LRCH4: variants seen among roughly 807,000 people sequenced by gnomAD.
LRCH4 encodes leucine rich repeats and calponin homology domain containing 4.
LRCH4 carries 56 observed loss-of-function variants against 81.2 expected under a neutral mutation model. The observed-to-expected ratio is 0.69, with a 90% CI of 0.56 to 0.86. The LOEUF (loss-of-function observed/expected upper bound fraction) is 0.86, where lower values mean the gene tolerates loss of function less well. LRCH4 is among the 40% of genes least tolerant of loss of function. The pLI is 0.00. For synonymous variants in LRCH4, 442 were observed against 409.7 expected (o/e 1.08, Z -0.95); for missense variants, 895 against 922.8 (o/e 0.97, Z 0.39).
rs748775702 is a variant in LRCH4, at chr7:100,577,449, G to T, written c.1178+48C>A. 10 of 1,602,550 alleles carry T rather than the reference G, an allele frequency of 6.2e-6. No homozygotes were observed. Among genetic ancestry groups the T allele is most frequent in the Middle Eastern group, 1.7e-4 (1 of 6,046 alleles). ...CCGGGGTCAGGGAAGGAGGCGGTTG[G>T]GGGGTGGGAGGATCGGGCAGTGGCG... On this transcript the variant is annotated intron_variant, in intron 10 of 17. Coordinates refer to ENST00000310300, the MANE Select transcript of LRCH4 (RefSeq NM_002319.5). This position sits in a 1 kb window ranked among gnomAD's most constrained non-coding sequence, Gnocchi z 6.7.
rs1184466236 is a variant in LRCH4 at position 100,578,874 on chromosome 7, A to G, written c.599-88T>C. 1.6e-5 allele frequency: 24 copies of G among 1,467,312 alleles called. No individual in the cohort carries two copies. The highest frequency in any genetic ancestry group is 2.2e-5 in the Non-Finnish European group (24 of 1,077,024). 90.9% of individuals were successfully genotyped at this position (1,467,312 alleles called of 1,614,324 possible). ...CCCTCACCCTTGGCTCCAGCTGGCCAGTCACCCTGGGCCCAGCACAGCCTC... is the reference window on the plus strand; with the variant it reads ...CCCTCACCCTTGGCTCCAGCTGGCCGGTCACCCTGGGCCCAGCACAGCCTC... On this transcript the variant is annotated intron_variant, in intron 4 of 17. Coordinates refer to ENST00000310300, the MANE Select transcript of LRCH4 (RefSeq NM_002319.5). The surrounding 1 kb of genome is among the most constrained non-coding windows in gnomAD (Gnocchi z 5.7).
intron 1 of LRCH4, among the ~76,000 whole-genome samples, chr7:100,585,608 C>A (rs1219595272): frequency 6.6e-6 from 1 of 152,052 alleles, no homozygotes; most frequent in Non-Finnish European, 1.5e-5. Context: ...GCGGGACCAT[C>A]CTACAGGTGC....
chr7:100,579,377 C>T (rs1801464821), intron 4 of LRCH4: 1 of 152,880 alleles, frequency 6.5e-6, no homozygotes, highest in Non-Finnish European at 1.5e-5. Context: ...GCGGGTGGAT[C>T]ACAAGGTCAA....
At position 100,582,465 on chromosome 7, in the gene LRCH4, G is replaced by C; in HGVS notation, c.221-6C>G. 1 of 1,605,608 alleles carries C rather than the reference G, an allele frequency of 6.2e-7. No homozygotes were observed. The highest frequency in any genetic ancestry group is 1.7e-5 in the Admixed American group (1 of 59,992). On this transcript the variant is annotated splice_polypyrimidine_tract_variant and splice_region_variant and intron_variant, in intron 1 of 17. Transcript: ENST00000310300. The surrounding 1 kb of genome is among the most constrained non-coding windows in gnomAD (Gnocchi z 5.0). ...AAACCGGTTCCGGGACAGGTCTGGG[G>C]AAAAGGAGGTGTCGGGGAGAGTTGC...
rs370331867 is a variant in LRCH4, at chr7:100,582,450, C to T, written c.230G>A (p.Arg77Gln). 2.9e-5 allele frequency: 46 copies of T among 1,608,524 alleles called. No individual in the cohort carries two copies. The highest frequency in any genetic ancestry group is 1.8e-4 in the South Asian group (16 of 91,076). The change falls in exon 2 of 18, where the codon CGG becomes CAG. Residue 77 changes from arginine (R) to glutamine (Q), a missense_variant. Transcript: ENST00000310300. This position sits in a 1 kb window ranked among gnomAD's most constrained non-coding sequence, Gnocchi z 5.0. The part of the protein sequence containing the change: ...LSDITQADLS[R>Q]NRFPEVPEAA... ...CTCGGGCACCTCGGGAAACCGGTTC[C>T]GGGACAGGTCTGGGGAAAAGGAGGT...
At chr7:100,580,423 C>CACAT (rs1457768649) in intron 4 of LRCH4, 1 of 151,874 alleles carries the variant, frequency 6.6e-6, no homozygotes. Context: ...CACACACACA[C>CACAT]ACACACACAC....
rs150962857 is a variant in LRCH4 at position 100,577,354 on chromosome 7, G to C, written c.1214C>G (p.Pro405Arg). The change falls in exon 11 of 18, where the codon CCG (proline) becomes CGG (arginine). Residue 405 changes from proline to arginine, a missense_variant. Physicochemically the swap from Pro to Arg is moderately radical, Grantham distance 103. Coordinates refer to ENST00000310300, the MANE Select transcript of LRCH4 (RefSeq NM_002319.5). This position sits in a 1 kb window ranked among gnomAD's most constrained non-coding sequence, Gnocchi z 6.7. ...EEPAGEERRRPDTLQLWQERE... is the reference protein window; with the variant it reads ...EEPAGEERRRRDTLQLWQERE... Reference sequence around the variant, plus strand: ...CTCCTGCCACAGCTGCAAGGTGTCCGGGCGCCGCCGCTCCTCCCCTGCCGG... The same window carrying C: ...CTCCTGCCACAGCTGCAAGGTGTCCCGGCGCCGCCGCTCCTCCCCTGCCGG... The C allele has an allele frequency of 3.1e-6, 5 of 1,599,372 alleles. No individual in the cohort carries two copies. The highest frequency in any genetic ancestry group is 1.7e-4 in the Middle Eastern group (1 of 5,984).
Position 100,577,282 on chromosome 7 carries a change from C to G in LRCH4, c.1286G>C (p.Arg429Thr). Residue 429 changes from arginine to threonine, a missense_variant, in exon 11 of 18, where the codon AGG (arginine) becomes ACG (threonine). Physicochemically the swap from Arg to Thr is moderately conservative, Grantham distance 71. This residue lies in a region of LRCH4 where 529 missense variants were observed against 504.9 expected (regional missense o/e 1.05). Coordinates refer to ENST00000310300, the MANE Select transcript of LRCH4 (RefSeq NM_002319.5). The surrounding 1 kb of genome is among the most constrained non-coding windows in gnomAD (Gnocchi z 6.7). ...CGGCCCTGGGTCCCACCTATCCTTC[C>G]TCGGGGCCCCCCACGCCCCGCTCTG... is the stretch of plus-strand genomic sequence containing the variant. Reference protein sequence around the residue: ...QQQSGAWGAPRKDSLLKPGLR... With the variant: ...QQQSGAWGAPTKDSLLKPGLR... 1 of 1,600,244 alleles carries G rather than the reference C, an allele frequency of 6.2e-7. No homozygotes were observed. The highest frequency in any genetic ancestry group is 8.5e-7 in the Non-Finnish European group (1 of 1,178,652).
chr7:100,583,129 G>A lies in LRCH4; in HGVS notation c.221-670C>T, dbSNP rs909165892. Among the ~76,000 whole-genome samples, 1 of 152,182 alleles carries A rather than the reference G, an allele frequency of 6.6e-6. No homozygotes were observed. Among genetic ancestry groups the A allele is most frequent in the Admixed American group, 6.5e-5 (1 of 15,290 alleles). On this transcript the variant is annotated intron_variant, in intron 1 of 17. Coordinates refer to ENST00000310300, the MANE Select transcript of LRCH4 (RefSeq NM_002319.5). The surrounding 1 kb of genome is among the most constrained non-coding windows in gnomAD (Gnocchi z 4.3). ...GACCTGGTTGGAGATGGGAGCTGGAGTTCCCAGGTCCCTCCCATCTGGGCT... is the reference window on the plus strand; with the variant it reads ...GACCTGGTTGGAGATGGGAGCTGGAATTCCCAGGTCCCTCCCATCTGGGCT...
In LRCH4 at chr7:100,575,321, C is replaced by G. The variant is rs1243828474; in HGVS notation, c.1855-17G>C. The stretch of plus-strand genomic sequence containing the variant: ...CAGGTCAGCCTGGGGGAGAGGAGAG[C>G]AGGTGGACAAGGACAAGGGACAGAC... On this transcript the variant is annotated splice_polypyrimidine_tract_variant and intron_variant, in intron 17 of 17. Transcript: ENST00000310300. This position sits in a 1 kb window ranked among gnomAD's most constrained non-coding sequence, Gnocchi z 5.3. 2 of 1,527,102 alleles carry G rather than the reference C, an allele frequency of 1.3e-6. No homozygotes were observed. Among genetic ancestry groups the G allele is most frequent in the Admixed American group, 4.1e-5 (2 of 49,050 alleles). 94.6% of individuals were successfully genotyped at this position (1,527,102 alleles called of 1,614,324 possible). A position where few individuals can be genotyped will look rare whatever the true frequency, so the allele number is the denominator to read the frequency against.
chr7:100,576,376 G>C, intron 14 of LRCH4, 53 bp from the exon 15 acceptor site: 1 of 1,350,982 alleles, frequency 7.4e-7, no homozygotes, highest in Non-Finnish European at 1.1e-6. Flanking sequence ...CACTGACTCT[G>C]TAGCTGGGTC....
Position 100,576,290 on chromosome 7 carries a change from C to T in LRCH4, c.1586G>A (p.Arg529Gln), listed in dbSNP as rs35432811. 3.2e-5 allele frequency: 51 copies of T among 1,614,078 alleles called. No individual in the cohort carries two copies. Among genetic ancestry groups the T allele is most frequent in the Middle Eastern group, 3.3e-4 (2 of 6,056 alleles). The change falls in exon 15 of 18, where the codon CGG (arginine) becomes CAG (glutamine). Residue 529 changes from arginine to glutamine, a missense_variant. Physicochemically the swap from Arg to Gln is conservative, Grantham distance 43 (BLOSUM62 1). Transcript: ENST00000310300. Reference protein sequence around the residue: ...PSSPDSVLRPRRYPQVPDEKD... With the variant: ...PSSPDSVLRPQRYPQVPDEKD... The stretch of plus-strand genomic sequence containing the variant: ...CTCATCTGGAACCTGGGGGTACCGC[C>T]GAGGTCTCAGGACAGAGTCTGGTGA...
Position 100,578,143 on chromosome 7 carries a change from G to C in LRCH4, c.948+16C>G, listed in dbSNP as rs1346767237. 6 of 1,612,708 alleles carry C rather than the reference G, an allele frequency of 3.7e-6. No individual in the cohort carries two copies. The highest frequency in any genetic ancestry group is 1.3e-5 in the African/African-American group (1 of 74,884). On this transcript the variant is annotated intron_variant, in intron 7 of 17. Coordinates refer to ENST00000310300, the MANE Select transcript of LRCH4 (RefSeq NM_002319.5). This position sits in a 1 kb window ranked among gnomAD's most constrained non-coding sequence, Gnocchi z 5.7. Reference sequence around the variant, plus strand: ...GGGCTGACACCCTCAATCACCCATGGACAGGACGCCCTTACCTCATTTCCA... The same window carrying C: ...GGGCTGACACCCTCAATCACCCATGCACAGGACGCCCTTACCTCATTTCCA...
Position 100,575,423 on chromosome 7 carries a change from CGTGCTGGGCAGGGGGA to C in LRCH4, c.1855-135_1855-120del, listed in dbSNP as rs768199935. ...GGCCAGAACCACGCCCACATGCTGA[CGTGCTGGGCAGGGGGA>C]GTGCAGTGCAGGAGGAGTGCAGGGC... is the stretch of plus-strand genomic sequence containing the variant. On this transcript the variant is annotated intron_variant, in intron 17 of 17. Coordinates refer to ENST00000310300, the MANE Select transcript of LRCH4 (RefSeq NM_002319.5). This position sits in a 1 kb window ranked among gnomAD's most constrained non-coding sequence, Gnocchi z 5.3. 22 of 991,694 alleles carry C rather than the reference CGTGCTGGGCAGGGGGA, an allele frequency of 2.2e-5. No individual in the cohort carries two copies. The East Asian group carries it at 5.2e-4, about 24-fold the overall frequency. The allele number at this position is 991,694 out of a possible 1,614,324, so 61.4% of individuals were successfully genotyped here. A position where few individuals can be genotyped will look rare whatever the true frequency, so the allele number is the denominator to read the frequency against.
chr7:100,580,801 ACACATG>A (rs1434617590), intron 4 of LRCH4: 4 of 147,648 alleles, frequency 2.7e-5, no homozygotes, highest in Admixed American at 1.3e-4. Flanking sequence ...AGACACACAT[ACACATG>A]CACATAGACA....
At position 100,577,690 on chromosome 7, in the gene LRCH4, C is replaced by G; in HGVS notation, c.1090G>C (p.Glu364Gln). ...IDFIDSHVPG[E>Q]DEERGTVEEQ... ...TCCACAGTGCCTCGCTCTTCATCCT[C>G]CCCGGGGACATGGCTGTCGATGAAG... Residue 364 changes from glutamate to glutamine, a missense_variant, in exon 9 of 18, where the codon GAG (glutamate) becomes CAG (glutamine). Around this residue, in one of 3 missense-constraint regions of LRCH4, gnomAD observed 529 missense variants for 504.9 expected, o/e 1.05. Transcript: ENST00000310300. The surrounding 1 kb of genome is among the most constrained non-coding windows in gnomAD (Gnocchi z 6.7). 1.2e-6 allele frequency: 2 copies of G among 1,613,948 alleles called. No homozygotes were observed. Among genetic ancestry groups the G allele is most frequent in the African/African-American group, 2.7e-5 (2 of 75,036 alleles).
chr7:100,577,926 G>A lies in LRCH4; in HGVS notation c.949-14C>T, dbSNP rs1456390643. Reference sequence around the variant, plus strand: ...TTCATCTGTTGACTGTAAAGGCAGAGGCAGAGATGGGAGATGGCCTCTCTG... The same window carrying A: ...TTCATCTGTTGACTGTAAAGGCAGAAGCAGAGATGGGAGATGGCCTCTCTG... On this transcript the variant is annotated splice_polypyrimidine_tract_variant and intron_variant, in intron 7 of 17. Transcript: ENST00000310300. This position sits in a 1 kb window ranked among gnomAD's most constrained non-coding sequence, Gnocchi z 6.7. 1 of 1,607,794 alleles carries A rather than the reference G, an allele frequency of 6.2e-7. No individual in the cohort carries two copies. The highest frequency in any genetic ancestry group is 2.2e-5 in the East Asian group (1 of 44,838).
chr7:100,574,981 G>T lies in LRCH4; in HGVS notation c.*126C>A. 2 of 918,518 alleles carry T rather than the reference G, an allele frequency of 2.2e-6. No homozygotes were observed. The highest frequency in any genetic ancestry group is 3.2e-6 in the Non-Finnish European group (2 of 615,410). The allele number at this position is 918,518 out of a possible 1,614,324, so 56.9% of individuals were successfully genotyped here. A position where few individuals can be genotyped will look rare whatever the true frequency, so the allele number is the denominator to read the frequency against. On this transcript the variant is annotated 3_prime_UTR_variant, in exon 18 of 18. Coordinates refer to ENST00000310300, the MANE Select transcript of LRCH4 (RefSeq NM_002319.5). ...CCAGAGTGGGGCCTCTGAGGTCAGTGTCTGTGAAGGGGGTGCACTAGTGTC... is the reference window on the plus strand; with the variant it reads ...CCAGAGTGGGGCCTCTGAGGTCAGTTTCTGTGAAGGGGGTGCACTAGTGTC...
chr7:100,575,491 C>G lies in LRCH4; in HGVS notation c.1855-187G>C. 1 of 827,218 alleles carries G rather than the reference C, an allele frequency of 1.2e-6. No individual in the cohort carries two copies. Among genetic ancestry groups the G allele is most frequent in the South Asian group, 1.4e-5 (1 of 72,458 alleles). 51.2% of individuals were successfully genotyped at this position (827,218 alleles called of 1,614,324 possible). On this transcript the variant is annotated intron_variant, in intron 17 of 17. Coordinates refer to ENST00000310300, the MANE Select transcript of LRCH4 (RefSeq NM_002319.5). The surrounding 1 kb of genome is among the most constrained non-coding windows in gnomAD (Gnocchi z 5.3). ...GGGCATGTGCAGGACAGGTGACATG[C>G]AGGACAAGATGGGGCCTGCAGGGCA...
Sources: gnomAD v4.1 joint callset for allele counts (sites outside exome capture counted in the v4.1 genomes callset) on GRCh38, gnomAD v4.1.1 for gene constraint, gnomAD v4.1.1 regional missense constraint, Gnocchi (gnomAD v3.1) non-coding constraint, MANE v1.5 for transcripts, NCBI Gene and HGNC (gene_info 2026-07-23, HGNC 2026-07-21) for gene names.